VLDLR: variants seen among roughly 807,000 people sequenced by gnomAD.
VLDLR encodes very low-density lipoprotein receptor.
Under a neutral mutation model 112.7 loss-of-function variants are expected in VLDLR, and 81 were observed. The ratio of observed to expected loss-of-function variants is 0.72; its 90% CI spans 0.60 to 0.86. The LOEUF is 0.86. Ranked by LOEUF, VLDLR falls within the 40% of genes least tolerant of loss-of-function variation. The pLI, the probability that VLDLR is intolerant of heterozygous loss-of-function variation, is 0.00. For synonymous variants in VLDLR, 436 were observed against 384.8 expected, an observed-to-expected ratio of 1.13 and a Z score of -1.56; for missense variants, 1,237 against 1,099.4, an observed-to-expected ratio of 1.13 and a Z score of -1.77.
intron 1 of VLDLR, among the ~76,000 whole-genome samples, chr9:2,625,531 C>G (rs1022584936): frequency 2.6e-5 from 4 of 152,188 alleles, no homozygotes; most frequent in Non-Finnish European, 5.9e-5. Flanking sequence ...TGGAAAACCA[C>G]CTTCACATAC....
Position 2,643,895 on chromosome 9 carries a change from C to A in VLDLR, c.1002C>A (p.Ile334=). The stretch of plus-strand genomic sequence containing the variant: ...GCAGAAGTGGAGAATGCATAGATAT[C>A]AGCAAAGTATGTAACCAGGAGCAGG... ...FKCRSGECID[I]SKVCNQEQDC... Residue 334 remains isoleucine, a synonymous_variant, in exon 7 of 19, where the codon ATC becomes ATA. Coordinates refer to ENST00000382100, the MANE Select transcript of VLDLR (RefSeq NM_003383.5). 1 of 1,614,122 alleles carries A rather than the reference C, an allele frequency of 6.2e-7. No individual in the cohort carries two copies. The highest frequency in any genetic ancestry group is 1.1e-5 in the South Asian group (1 of 91,068).
rs779134122 is a variant in VLDLR at position 2,647,621 on chromosome 9, C to CA, written c.1822+30dup. On this transcript the variant is annotated intron_variant, in intron 12 of 18. Transcript: ENST00000382100. ...TGTATGTTCTTCCTTCTCGACCACC[C>CA]ACTCAACTATCTTCATAGTGTTTCC... 3.2e-6 allele frequency: 5 copies of CA among 1,554,772 alleles called. No homozygotes were observed. In the African/African-American group the frequency reaches 6.8e-5, roughly 21 times the overall value.
At chr9:2,628,673 A>G (rs1417102317) in intron 1 of VLDLR, among the ~76,000 whole-genome samples, 1 of 152,152 alleles carries the variant, frequency 6.6e-6, no homozygotes, top group Non-Finnish European at 1.5e-5. Flanking sequence ...ATAGCCAGGG[A>G]TTGATGGCCA....
intron 3 of VLDLR, among the ~76,000 whole-genome samples, chr9:2,640,344 A>G (rs185713817): frequency 3.3e-5 from 5 of 152,326 alleles, no homozygotes; most frequent in African/African-American, 7.2e-5. Flanking sequence ...AGGGTTCCCT[A>G]TGGGCCAAGC....
At chr9:2,630,151 T>A (rs1817276655) in intron 1 of VLDLR, among the ~76,000 whole-genome samples, 1 of 152,202 alleles carries the variant, frequency 6.6e-6, no homozygotes, top group Non-Finnish European at 1.5e-5. Context: ...ACAATCTTTG[T>A]GCTTGACAGC....
At chr9:2,632,299 A>C (rs1817384291) in intron 1 of VLDLR, among the ~76,000 whole-genome samples, 1 of 152,314 alleles carries the variant, frequency 6.6e-6, no homozygotes, top group East Asian at 1.9e-4. Context: ...CCACCCCTCT[A>C]GCCTGAGGCA....
chr9:2,629,882 T>C (rs1182243156), intron 1 of VLDLR, among the ~76,000 whole-genome samples: 1 of 152,216 alleles, frequency 6.6e-6, no homozygotes, highest in Non-Finnish European at 1.5e-5. Context: ...CTGCAACTTC[T>C]ACCTCCCAGG....
intron 1 of VLDLR, among the ~76,000 whole-genome samples, chr9:2,626,771 A>G (rs1817109151): frequency 6.6e-6 from 1 of 151,538 alleles, no homozygotes; most frequent in Non-Finnish European, 1.5e-5. Context: ...AAGGGACATA[A>G]CAAAGCCTCG....
intron 1 of VLDLR, among the ~76,000 whole-genome samples, chr9:2,635,103 T>C (rs2130777390): frequency 6.6e-6 from 1 of 152,288 alleles, no homozygotes; most frequent in African/African-American, 2.4e-5. Flanking sequence ...AATTTTCAGG[T>C]ACCAGGAATG....
At chr9:2,648,917 G>C (rs1245973201) in intron 14 of VLDLR, 107 bp downstream of exon 14, 1 of 1,448,654 alleles carries the variant, frequency 6.9e-7, no homozygotes, top group African/African-American at 1.4e-5. Flanking sequence ...CTTTAAAAGG[G>C]AACTTTTGCC....
At chr9:2,635,148 T>C (rs1348605959) in intron 1 of VLDLR, among the ~76,000 whole-genome samples, 1 of 152,168 alleles carries the variant, frequency 6.6e-6, no homozygotes, top group Non-Finnish European at 1.5e-5. Flanking sequence ...TCTATCCTCT[T>C]AAGGACATTT....
At position 2,657,348 on chromosome 9, in the gene VLDLR, G is replaced by A. The variant is rs557925982; in HGVS notation, c.*3480G>A. The A allele has an allele frequency of 2.0e-5, 3 of 152,340 alleles. No homozygotes were observed. In the East Asian group the frequency reaches 5.8e-4, roughly 29 times the overall value. 9.4% of individuals were successfully genotyped at this position (152,340 alleles called of 1,614,324 possible). A position where few individuals can be genotyped will look rare whatever the true frequency, so the allele number is the denominator to read the frequency against. ...AGCAGATATACTTTTGCTAATTTAA[G>A]TTGAAGTACTATGAATACAACCTGC... On this transcript the variant is annotated 3_prime_UTR_variant, in exon 19 of 19. Coordinates refer to ENST00000382100, the MANE Select transcript of VLDLR (RefSeq NM_003383.5).
At chr9:2,635,303 T>C (rs1177152494) in intron 1 of VLDLR, 150 bp from the exon 2 acceptor site, 1 of 1,165,816 alleles carries the variant, frequency 8.6e-7, no homozygotes, top group Non-Finnish European at 1.3e-6. Context: ...TGTCAGTCAC[T>C]GGCTGAAGAG....
In VLDLR at chr9:2,659,434, T is replaced by G. The variant is rs1231702447; in HGVS notation, c.*5566T>G. ...CACTACTACATCAGGTCAGCACAGATTAACTCAGTTACGTGTTATACCTTC... is the reference window on the plus strand; with the variant it reads ...CACTACTACATCAGGTCAGCACAGAGTAACTCAGTTACGTGTTATACCTTC... On this transcript the variant is annotated 3_prime_UTR_variant, in exon 19 of 19. Transcript: ENST00000382100. 1 of 152,244 alleles carries G rather than the reference T, an allele frequency of 6.6e-6. No homozygotes were observed. The highest frequency in any genetic ancestry group is 1.5e-5 in the Non-Finnish European group (1 of 68,050). The allele number at this position is 152,244 out of a possible 1,614,324, so 9.4% of individuals were successfully genotyped here.
intron 15 of VLDLR, 109 bp from the exon 16 acceptor site, chr9:2,651,306 G>T: frequency 3.4e-6 from 3 of 879,648 alleles, no homozygotes; most frequent in South Asian, 1.4e-5. Context: ...GCAGTGGTTT[G>T]TCTATTTTAC....
intron 1 of VLDLR, among the ~76,000 whole-genome samples, chr9:2,625,535 C>G (rs1817053853): frequency 6.6e-6 from 1 of 152,202 alleles, no homozygotes; most frequent in Non-Finnish European, 1.5e-5. Flanking sequence ...AAACCACCTT[C>G]ACATACTAGC....
chr9:2,624,575 G>A (rs34118334), intron 1 of VLDLR, among the ~76,000 whole-genome samples: 2,512 of 152,306 alleles, frequency 0.016, 75 homozygotes, highest in African/African-American at 0.057. Flanking sequence ...TTTAAGGCCA[G>A]AGTCTAAAAG....
intron 2 of VLDLR, among the ~76,000 whole-genome samples, chr9:2,639,444 G>A (rs911558392): frequency 2.6e-5 from 4 of 152,136 alleles, no homozygotes; most frequent in Non-Finnish European, 4.4e-5. Flanking sequence ...CAAACATTCA[G>A]TCCCCAGCAA....
intron 15 of VLDLR, 96 bp from the exon 16 acceptor site, chr9:2,651,318 TG>T: frequency 9.7e-7 from 1 of 1,026,028 alleles, no homozygotes; most frequent in Non-Finnish European, 1.5e-6. Context: ...CTATTTTACC[TG>T]GTTTTAAAAT....
Sources: allele counts gnomAD v4.1 joint callset (sites outside exome capture counted in the v4.1 genomes callset), GRCh38; gene constraint gnomAD v4.1.1; transcripts MANE v1.5; gene names NCBI Gene and HGNC (gene_info 2026-07-23, HGNC 2026-07-21).